The following UGT3A1 variants were observed in gnomAD, a reference collection of about 807,000 sequenced individuals.
UGT3A1 encodes UDP glycosyltransferase family 3 member A1, also known as UDP-glycosyltransferase 3A1.
UGT3A1 carries 40 observed loss-of-function variants against 37.6 expected under a neutral mutation model. That is an observed-to-expected ratio of 1.06 (90% CI 0.83 to 1.38). The LOEUF (loss-of-function observed/expected upper bound fraction) is 1.38. Among genes scored for constraint, UGT3A1 ranks in the 40% most tolerant of loss-of-function variants. The probability of loss-of-function intolerance (pLI) is 0.00; values close to 1 mark genes in which losing one functional copy is unlikely to be tolerated. For synonymous variants in UGT3A1, 256 were observed against 232.3 expected (o/e 1.10, Z -0.93); for missense variants, 642 against 634.2 (o/e 1.01, Z -0.13).
intron 2 of UGT3A1, among the ~76,000 whole-genome samples, chr5:35,986,820 G>A (rs1740745999): frequency 6.6e-6 from 1 of 152,072 alleles, no homozygotes; most frequent in Admixed American, 6.5e-5. Flanking sequence ...AGCTAGAAGA[G>A]AATAGTTTGA....
chr5:35,966,929 C>T (rs941416043), intron 3 of UGT3A1, among the ~76,000 whole-genome samples: 1 of 152,074 alleles, frequency 6.6e-6, no homozygotes, highest in African/African-American at 2.4e-5. Flanking sequence ...TGAAATTATC[C>T]ACTATTTCAT....
intron 2 of UGT3A1, among the ~76,000 whole-genome samples, chr5:35,973,638 A>G: frequency 6.6e-6 from 1 of 152,194 alleles, no homozygotes; most frequent in Non-Finnish European, 1.5e-5. Flanking sequence ...AAAAGAGGAC[A>G]CATTTTTTTC....
intron 2 of UGT3A1, among the ~76,000 whole-genome samples, chr5:35,979,884 C>G (rs778437875): frequency 1.3e-5 from 2 of 152,214 alleles, no homozygotes; most frequent in Non-Finnish European, 2.9e-5. Context: ...TGTCTTACAT[C>G]ACAGCAGGCA....
At chr5:35,988,407 C>T in intron 2 of UGT3A1, 43 bp downstream of exon 2, 1 of 1,403,022 alleles carries the variant, frequency 7.1e-7, no homozygotes, top group Non-Finnish European at 9.7e-7. Flanking sequence ...TCACTTTTTG[C>T]TTAGAGTAAA....
At chr5:35,995,923 G>T (rs1308104340), upstream of UGT3A1, among the ~76,000 whole-genome samples, 1 of 151,422 alleles carries the variant, frequency 6.6e-6, no homozygotes, top group African/African-American at 2.4e-5. Context: ...CAGACTAGAT[G>T]ATGATTTAGC....
chr5:35,967,885 A>G (rs1038648086), intron 3 of UGT3A1, 134 bp downstream of exon 3: 3 of 695,192 alleles, frequency 4.3e-6, no homozygotes, highest in Non-Finnish European at 5.0e-6. Flanking sequence ...CCACTCACAC[A>G]TCATCTATTT....
intron 2 of UGT3A1, among the ~76,000 whole-genome samples, chr5:35,969,475 C>T (rs1279124025): frequency 6.6e-6 from 1 of 152,070 alleles, no homozygotes; most frequent in African/African-American, 2.4e-5. Context: ...AGAAAGGACA[C>T]CCATCCACCC....
rs760064814 is a variant in UGT3A1, at chr5:35,968,041, T to C, written c.289A>G (p.Ile97Val). 2 of 1,612,548 alleles carry C rather than the reference T, an allele frequency of 1.2e-6. No homozygotes were observed. Among genetic ancestry groups the C allele is most frequent in the Non-Finnish European group, 8.5e-7 (1 of 1,179,618 alleles). Residue 97 changes from isoleucine to valine, a missense_variant, in exon 3 of 7, where the codon ATA (isoleucine) becomes GTA (valine). Coordinates refer to ENST00000274278, the MANE Select transcript of UGT3A1 (RefSeq NM_152404.4). ...KRIKKHFDSY[I>V]ETALDGRKES... The stretch of plus-strand genomic sequence containing the variant: ...TACCTGCCATCCAATGCTGTTTCTA[T>C]GTAGCTATCAAAATGCTTCTTAATT...
intron 2 of UGT3A1, among the ~76,000 whole-genome samples, chr5:35,985,760 GAAGACATTGAGGAACTATTCC>G (rs1740705370): frequency 6.6e-6 from 1 of 152,178 alleles, no homozygotes; most frequent in African/African-American, 2.4e-5. Context: ...ACTACTAGAA[GAAGACATTGAGGAACTATTCC>G]AAGACATTGG....
intron 5 of UGT3A1, among the ~76,000 whole-genome samples, 166 bp from the exon 6 acceptor site, chr5:35,956,030 G>C (rs1256397381): frequency 6.6e-6 from 1 of 152,240 alleles, no homozygotes; most frequent in Non-Finnish European, 1.5e-5. Context: ...CAGGATACAA[G>C]ATTCAAGCCT....
intron 1 of UGT3A1, among the ~76,000 whole-genome samples, chr5:35,989,661 A>G (rs993173797): frequency 1.3e-5 from 2 of 152,210 alleles, no homozygotes; most frequent in Non-Finnish European, 1.5e-5. Context: ...TAAGGACTCA[A>G]ATGGCTTTCT....
intron 6 of UGT3A1, 116 bp downstream of exon 6, chr5:35,955,527 CAT>C (rs1219496076): frequency 1.0e-5 from 12 of 1,177,096 alleles, no homozygotes; most frequent in African/African-American, 4.5e-5. Context: ...GCATCACACA[CAT>C]GTTATTCCAT....
intron 4 of UGT3A1, among the ~76,000 whole-genome samples, chr5:35,960,556 T>C (rs1015680016): frequency 1.6e-4 from 25 of 152,158 alleles, no homozygotes; most frequent in African/African-American, 5.8e-4. Context: ...GGTGAGTGCT[T>C]TGGGGCTCTG....
intron 4 of UGT3A1, among the ~76,000 whole-genome samples, chr5:35,963,732 T>C (rs866836823): frequency 2.6e-5 from 4 of 152,152 alleles, no homozygotes; most frequent in African/African-American, 9.7e-5. Flanking sequence ...GGGGCCACAA[T>C]GGCAGGCCCA....
chr5:35,986,143 C>T (rs1357285113), intron 2 of UGT3A1, among the ~76,000 whole-genome samples: 1 of 152,124 alleles, frequency 6.6e-6, no homozygotes, highest in Non-Finnish European at 1.5e-5. Flanking sequence ...GATATCATCT[C>T]ATCACAGTTA....
intron 4 of UGT3A1, chr5:35,963,031 A>G: frequency 1.5e-6 from 1 of 676,906 alleles, no homozygotes; most frequent in South Asian, 1.6e-5. Context: ...GGAGAGAGAA[A>G]GCAAGGGACT....
chr5:35,972,355 G>A (rs139096662), intron 2 of UGT3A1, among the ~76,000 whole-genome samples: 1,695 of 152,102 alleles, frequency 0.011, 15 homozygotes, highest in Non-Finnish European at 0.018. Context: ...AAAACTCTGA[G>A]GTTTCCCAGA....
At chr5:35,990,899 G>A (rs1740918707) in intron 1 of UGT3A1, 1 of 1,335,488 alleles carries the variant, frequency 7.5e-7, no homozygotes, top group African/African-American at 1.5e-5. Context: ...GCGGGACGGG[G>A]AGCGCGTCCT....
rs775861878 is a variant in UGT3A1 at position 35,957,345 on chromosome 5, G to T, written c.918C>A (p.Thr306=). 3 of 1,614,136 alleles carry T rather than the reference G, an allele frequency of 1.9e-6. 1 individual carries two copies. In the South Asian group the frequency reaches 3.3e-5, roughly 18 times the overall value. ...VLVAFGSMLN[T]HQSQEVLKKM... ...TCTTGAGGACTTCCTGGGACTGATGGGTGTTCAACATGGAGCCAAAGGCCA... is the reference window on the plus strand; with the variant it reads ...TCTTGAGGACTTCCTGGGACTGATGTGTGTTCAACATGGAGCCAAAGGCCA... Residue 306 remains threonine (T), a synonymous_variant, in exon 5 of 7, where the codon ACC becomes ACA. Transcript: ENST00000274278.
Sources: allele counts gnomAD v4.1 joint callset (sites outside exome capture counted in the v4.1 genomes callset), GRCh38; gene constraint gnomAD v4.1.1; transcripts MANE v1.5; gene names NCBI Gene and HGNC (gene_info 2026-07-23, HGNC 2026-07-21).